CDC7: variants seen among roughly 807,000 people sequenced by gnomAD.
CDC7 encodes cell division cycle 7-related protein kinase.
CDC7 carries 34 observed loss-of-function variants against 53.5 expected under a neutral mutation model. The observed-to-expected ratio is 0.64, with a 90% CI of 0.48 to 0.85. The LOEUF (loss-of-function observed/expected upper bound fraction) is 0.85. CDC7 is among the 40% of genes least tolerant of loss of function. CDC7 has a pLI of 0.00. For synonymous variants in CDC7, 211 were observed against 222.8 expected (o/e 0.95, Z 0.47); for missense variants, 594 against 679.7 (o/e 0.87, Z 1.40).
In CDC7 at chr1:91,518,093, C is replaced by A. The variant is rs1314091080; in HGVS notation, c.1181-2037C>A. On this transcript the variant is annotated intron_variant, in intron 10 of 11. Coordinates refer to ENST00000234626, the MANE Select transcript of CDC7 (RefSeq NM_003503.4). ...TGAGCAACAGAGTGAGACTCAGTCTCAAAAAAAAAAAAAAAAAAAAAAAGG... is the reference window on the plus strand; with the variant it reads ...TGAGCAACAGAGTGAGACTCAGTCTAAAAAAAAAAAAAAAAAAAAAAAAGG... Among the ~76,000 whole-genome samples, 66 of 46,022 alleles carry A rather than the reference C, an allele frequency of 1.4e-3. 1 individual carries two copies. The highest frequency in any genetic ancestry group is 3.6e-3 in the African/African-American group (41 of 11,280). 30.2% of individuals were successfully genotyped at this position (46,022 alleles called of 152,430 possible). A position where few individuals can be genotyped will look rare whatever the true frequency, so the allele number is the denominator to read the frequency against.
At chr1:91,505,315 G>A (rs1666927740) in intron 2 of CDC7, among the ~76,000 whole-genome samples, 1 of 152,178 alleles carries the variant, frequency 6.6e-6, no homozygotes, top group Admixed American at 6.5e-5. Flanking sequence ...GCTTTCTAAT[G>A]GAGTGAGATG....
rs1667479197 is a variant in CDC7, at chr1:91,514,906, G to T, written c.1006G>T (p.Ala336Ser). Residue 336 changes from alanine (A) to serine (S), a missense_variant, in exon 9 of 12, where the codon GCT becomes TCT. Coordinates refer to ENST00000234626, the MANE Select transcript of CDC7 (RefSeq NM_003503.4). Reference protein sequence around the residue: ...KAISTKVMNSAVMRKTASSCP... With the variant: ...KAISTKVMNSSVMRKTASSCP... The stretch of plus-strand genomic sequence containing the variant: ...TATTTCTACAAAAGTTATGAATAGT[G>T]CTGTGATGAGGAAAACTGCCAGTTC... 6.2e-7 allele frequency: 1 copy of T among 1,613,420 alleles called. No individual in the cohort carries two copies. The highest frequency in any genetic ancestry group is 1.3e-5 in the African/African-American group (1 of 74,906).
intron 4 of CDC7, among the ~76,000 whole-genome samples, chr1:91,509,097 T>C (rs760346833): frequency 6.6e-6 from 1 of 152,140 alleles, no homozygotes; most frequent in Non-Finnish European, 1.5e-5. Context: ...CTTCCCTCAT[T>C]TGGCCTTTCA....
intron 1 of CDC7, chr1:91,501,332 T>C (rs1160410220): frequency 9.6e-6 from 2 of 207,302 alleles, no homozygotes; most frequent in Admixed American, 5.3e-5. Flanking sequence ...TTTCCTGACT[T>C]CAAACCGCCC....
At position 91,524,108 on chromosome 1, in the gene CDC7, G is replaced by T. The variant is rs1161900052; in HGVS notation, c.1398G>T (p.Arg466Ser). ...QDLRKLCERL[R>S]GMDSSTPKLT... ...TGAGAAAACTCTGTGAGAGACTCAG[G>T]GGTATGGATTCTAGCACTCCCAAGT... The change falls in exon 12 of 12, where the codon AGG (arginine) becomes AGT (serine). Residue 466 changes from arginine (R) to serine (S), a missense_variant. Transcript: ENST00000234626. 1 of 1,613,742 alleles carries T rather than the reference G, an allele frequency of 6.2e-7. No homozygotes were observed. The highest frequency in any genetic ancestry group is 2.2e-5 in the East Asian group (1 of 44,866).
rs1335392777 is a variant in CDC7, at chr1:91,501,679, A to AC, written c.-34dup. 3 of 1,444,900 alleles carry AC rather than the reference A, an allele frequency of 2.1e-6. No individual in the cohort carries two copies. The Admixed American group carries it at 5.1e-5, about 25-fold the overall frequency. 89.5% of individuals were successfully genotyped at this position (1,444,900 alleles called of 1,614,324 possible). On this transcript the variant is annotated 5_prime_UTR_variant, in exon 2 of 12. Coordinates refer to ENST00000234626, the MANE Select transcript of CDC7 (RefSeq NM_003503.4). ...CTGCTTTGCTCCCCCTGTGGATGTA[A>AC]CCCCTTAGCTGGCATTTTGCATCTC... is the stretch of plus-strand genomic sequence containing the variant.
intron 8 of CDC7, 99 bp downstream of exon 8, chr1:91,514,142 A>G (rs765513529): frequency 5.3e-5 from 38 of 721,614 alleles, no homozygotes; most frequent in Non-Finnish European, 8.3e-5. Flanking sequence ...AAATTTTTTT[A>G]AACTAGAGTT....
chr1:91,504,326 C>CA (rs1478682880), intron 2 of CDC7, among the ~76,000 whole-genome samples: 2 of 152,098 alleles, frequency 1.3e-5, no homozygotes, highest in African/African-American at 4.8e-5. Context: ...AGGCTGGTCT[C>CA]AAACTCCTGG....
At chr1:91,508,171 C>A in intron 3 of CDC7, 91 bp from the exon 4 acceptor site, 1 of 991,324 alleles carries the variant, frequency 1.0e-6, no homozygotes. Context: ...TGTATTATGC[C>A]ATTGAAACAG....
rs548704623 is a variant in CDC7, at chr1:91,506,351, C to CT, written c.116-1493dup. On this transcript the variant is annotated intron_variant, in intron 2 of 11. Transcript: ENST00000234626. Reference sequence around the variant, plus strand: ...CTCCCCCTACCCTAATCATCCAAGCCTTTTTTTTTTCTTGTTCCTGTCTTT... The same window carrying CT: ...CTCCCCCTACCCTAATCATCCAAGCCTTTTTTTTTTTCTTGTTCCTGTCTTT... Among the ~76,000 whole-genome samples the CT allele has an allele frequency of 2.4e-3, 351 of 149,212 alleles. 11 individuals are homozygous for CT. The highest frequency in any genetic ancestry group is 1.4e-3 in the Admixed American group (21 of 14,940).
intron 11 of CDC7, among the ~76,000 whole-genome samples, chr1:91,522,394 G>A (rs1235468022): frequency 6.6e-6 from 1 of 152,014 alleles, no homozygotes; most frequent in African/African-American, 2.4e-5. Flanking sequence ...CTTAAACCTG[G>A]CTCCATTGTG....
At chr1:91,517,484 G>A (rs1317206541) in intron 10 of CDC7, among the ~76,000 whole-genome samples, 2 of 152,194 alleles carry the variant, frequency 1.3e-5, no homozygotes. Flanking sequence ...AGTAACCAAG[G>A]TGGAGAGTAA....
Position 91,513,125 on chromosome 1 carries a change from G to A in CDC7, c.640G>A (p.Val214Ile), listed in dbSNP as rs1458821943. The change falls in exon 7 of 12, where the codon GTC becomes ATC. Residue 214 changes from valine to isoleucine, a missense_variant. Transcript: ENST00000234626. ...TACGAAAATAGAGCTTCTTAAATTT[G>A]TCCAGTCTGAAGCTCAGCAGGAAAG... Reference protein sequence around the residue: ...HDTKIELLKFVQSEAQQERCS... With the variant: ...HDTKIELLKFIQSEAQQERCS... 2 of 1,613,542 alleles carry A rather than the reference G, an allele frequency of 1.2e-6. No individual in the cohort carries two copies. The highest frequency in any genetic ancestry group is 2.2e-5 in the East Asian group (1 of 44,878).
intron 10 of CDC7, among the ~76,000 whole-genome samples, chr1:91,517,037 C>A (rs1667596169): frequency 6.6e-6 from 1 of 152,070 alleles, no homozygotes; most frequent in South Asian, 2.1e-4. Context: ...TGCCCTCCAA[C>A]CTGGGCGACA....
intron 6 of CDC7, among the ~76,000 whole-genome samples, chr1:91,512,855 C>G (rs1211854672): frequency 6.6e-6 from 1 of 152,090 alleles, no homozygotes; most frequent in African/African-American, 2.4e-5. Context: ...TGTGGGACAA[C>G]TCTTAATTTT....
chr1:91,503,888 AT>A (rs1040783583), intron 2 of CDC7, among the ~76,000 whole-genome samples: 1 of 151,630 alleles, frequency 6.6e-6, no homozygotes, highest in African/African-American at 2.4e-5. Flanking sequence ...TCTGATCTCC[AT>A]TTTTTTTAAT....
chr1:91,517,321 G>A lies in CDC7; in HGVS notation c.1180+1445G>A, dbSNP rs535779371. 9.7e-4 allele frequency among the ~76,000 whole-genome samples: 147 copies of A among 152,196 alleles called. 1 individual carries two copies. Among genetic ancestry groups the A allele is most frequent in the African/African-American group, 3.3e-3 (138 of 41,516 alleles). The stretch of plus-strand genomic sequence containing the variant: ...GTGAGAGGATGAAAATGTGAATGAG[G>A]GTATTGGTAATAGGAATGAAAAGAA... On this transcript the variant is annotated intron_variant, in intron 10 of 11. Transcript: ENST00000234626.
Position 91,511,597 on chromosome 1 carries a change from G to A in CDC7, c.336G>A (p.Gly112=), listed in dbSNP as rs1265008106. The A allele has an allele frequency of 6.3e-7, 1 of 1,578,694 alleles. No homozygotes were observed. The highest frequency in any genetic ancestry group is 2.2e-5 in the East Asian group (1 of 44,542). ...AAELQCLTVA[G]GQDNVMGVKY... The stretch of plus-strand genomic sequence containing the variant: ...AGTTCCTTGTGCATTTTTCCACTAG[G>A]GGGCAAGATAATGTCATGGGAGTTA... Residue 112 remains glycine, a splice_region_variant and synonymous_variant, in exon 5 of 12, where the codon GGG becomes GGA. Coordinates refer to ENST00000234626, the MANE Select transcript of CDC7 (RefSeq NM_003503.4).
intron 2 of CDC7, among the ~76,000 whole-genome samples, chr1:91,506,817 T>G (rs530803): frequency 0.78 from 118,564 of 151,950 alleles, 46,274 homozygotes; most frequent in Admixed American, 0.8. Context: ...GGGCGTGGTG[T>G]TGCGTGCCTG....
Sources: gnomAD v4.1 joint callset for allele counts (sites outside exome capture counted in the v4.1 genomes callset) on GRCh38, gnomAD v4.1.1 for gene constraint, MANE v1.5 for transcripts, NCBI Gene and HGNC (gene_info 2026-07-23, HGNC 2026-07-21) for gene names.